Variants in MYO1E observed in about 807,000 individuals in gnomAD.
The protein encoded by MYO1E is unconventional myosin-Ie.
MYO1E carries 68 observed loss-of-function variants against 151.1 expected under a neutral mutation model. That is an observed-to-expected ratio of 0.45 (90% CI 0.37 to 0.55). The LOEUF is 0.55. Among genes scored for constraint, MYO1E ranks in the 20% least tolerant of loss-of-function variants. MYO1E has a pLI of 0.00. For synonymous variants in MYO1E, 601 were observed against 501.7 expected (o/e 1.20, Z -2.64); for missense variants, 1,363 against 1,389.3 (o/e 0.98, Z 0.30).
At chr15:59,190,218 AAAGT>A (rs746199678) in intron 17 of MYO1E, among the ~76,000 whole-genome samples, 11 of 152,316 alleles carry the variant, frequency 7.2e-5, no homozygotes, top group Admixed American at 2.0e-4. Flanking sequence ...TTAGACATAA[AAAGT>A]AAGGTCTCTC....
chr15:59,181,748 T>C (rs1347752188), intron 18 of MYO1E, among the ~76,000 whole-genome samples: 1 of 152,224 alleles, frequency 6.6e-6, no homozygotes, highest in East Asian at 1.9e-4. Context: ...TTTAGGCCTG[T>C]GAACTTCCTA....
intron 1 of MYO1E, among the ~76,000 whole-genome samples, chr15:59,323,910 A>G (rs1311040888): frequency 2.6e-5 from 4 of 152,088 alleles, no homozygotes; most frequent in African/African-American, 4.8e-5. Context: ...CTGAGTTTGA[A>G]GCAGCAAAGA....
chr15:59,316,712 G>A (rs2080591336), intron 1 of MYO1E, among the ~76,000 whole-genome samples: 1 of 152,084 alleles, frequency 6.6e-6, no homozygotes, highest in Admixed American at 6.6e-5. Context: ...CAATCCTCTT[G>A]CTTTCCATAG....
At chr15:59,366,167 C>T (rs759759525) in intron 1 of MYO1E, among the ~76,000 whole-genome samples, 8 of 151,930 alleles carry the variant, frequency 5.3e-5, no homozygotes, top group South Asian at 2.1e-4. Context: ...TTAGTAGAGA[C>T]GGGGTTTCAC....
intron 1 of MYO1E, among the ~76,000 whole-genome samples, chr15:59,275,062 T>C (rs1017204529): frequency 1.3e-5 from 2 of 152,206 alleles, no homozygotes; most frequent in Non-Finnish European, 2.9e-5. Context: ...CCATGCCATA[T>C]AGGAGGAAAC....
intron 3 of MYO1E, 24 bp downstream of exon 3, chr15:59,261,396 T>C (rs779118949): frequency 1.3e-6 from 2 of 1,530,548 alleles, no homozygotes; most frequent in African/African-American, 2.7e-5. Context: ...AATAAGGCAG[T>C]AATTTATGTG....
intron 1 of MYO1E, among the ~76,000 whole-genome samples, chr15:59,276,430 C>T (rs112944253): frequency 0.019 from 2,863 of 152,206 alleles, 75 homozygotes; most frequent in African/African-American, 0.062. Flanking sequence ...AGGGCAGTGG[C>T]GGGCGTGCCA....
intron 1 of MYO1E, among the ~76,000 whole-genome samples, chr15:59,291,271 G>A (rs1401438228): frequency 1.3e-5 from 2 of 152,204 alleles, no homozygotes; most frequent in African/African-American, 4.8e-5. Context: ...TTGCTGGTCT[G>A]TGACCCCTTC....
At chr15:59,151,511 C>G (rs1346209749) in intron 26 of MYO1E, among the ~76,000 whole-genome samples, 1 of 152,156 alleles carries the variant, frequency 6.6e-6, no homozygotes, top group Admixed American at 6.5e-5. Flanking sequence ...TAAGACTTGC[C>G]AGGGCAAAAG....
At chr15:59,302,223 T>A (rs2080487213) in intron 1 of MYO1E, among the ~76,000 whole-genome samples, 1 of 152,128 alleles carries the variant, frequency 6.6e-6, no homozygotes, top group African/African-American at 2.4e-5. Context: ...AGTTTGTGAC[T>A]CAAGTAAGAT....
chr15:59,329,371 G>A (rs2080685293), intron 1 of MYO1E, among the ~76,000 whole-genome samples: 1 of 152,156 alleles, frequency 6.6e-6, no homozygotes, highest in Non-Finnish European at 1.5e-5. Context: ...AAGTGGTGTC[G>A]AGCTGGGGCC....
chr15:59,285,972 T>C (rs561212586), intron 1 of MYO1E, among the ~76,000 whole-genome samples: 22 of 152,354 alleles, frequency 1.4e-4, no homozygotes, highest in African/African-American at 5.1e-4. Context: ...CTTTTTCTAA[T>C]TCAATTACAC....
At chr15:59,155,050 T>C (rs2079502029) in intron 25 of MYO1E, among the ~76,000 whole-genome samples, 1 of 151,974 alleles carries the variant, frequency 6.6e-6, no homozygotes, top group African/African-American at 2.4e-5. Flanking sequence ...TCCCACAGGG[T>C]CTGGGGATGG....
At chr15:59,181,922 A>C (rs143296632) in intron 18 of MYO1E, among the ~76,000 whole-genome samples, 53 of 152,344 alleles carry the variant, frequency 3.5e-4, no homozygotes, top group African/African-American at 1.1e-3. Context: ...CTTTAGAGAA[A>C]ATAAAGTTAT....
At chr15:59,161,340 A>G in intron 23 of MYO1E, 110 bp from the exon 24 acceptor site, 1 of 1,233,186 alleles carries the variant, frequency 8.1e-7, no homozygotes, top group Non-Finnish European at 1.1e-6. Context: ...ATGAGGCGAG[A>G]ACGGACAATC....
chr15:59,154,468 C>A (rs1328094685), intron 25 of MYO1E, among the ~76,000 whole-genome samples: 1 of 152,236 alleles, frequency 6.6e-6, no homozygotes, highest in East Asian at 1.9e-4. Flanking sequence ...TGCGTCTTGG[C>A]AGACTCGGGC....
At chr15:59,207,509 A>C in intron 14 of MYO1E, 2 of 1,614,000 alleles carry the variant, frequency 1.2e-6, no homozygotes, top group East Asian at 2.2e-5. Context: ...AATCCAGTGG[A>C]TATCTTAACT....
intron 12 of MYO1E, among the ~76,000 whole-genome samples, chr15:59,210,892 A>G (rs183174298): frequency 6.6e-6 from 1 of 152,226 alleles, no homozygotes; most frequent in African/African-American, 2.4e-5. Flanking sequence ...TTACAAAAAA[A>G]TCACAAAACT....
chr15:59,372,057 C>A (rs2140448387), intron 1 of MYO1E, among the ~76,000 whole-genome samples: 1 of 150,482 alleles, frequency 6.6e-6, no homozygotes, highest in Admixed American at 6.6e-5. Flanking sequence ...CGCGAGGGTG[C>A]CCGGGGCGGG....
Sources: allele counts gnomAD v4.1 joint callset (sites outside exome capture counted in the v4.1 genomes callset), GRCh38; gene constraint gnomAD v4.1.1; transcripts MANE v1.5; gene names NCBI Gene and HGNC (gene_info 2026-07-23, HGNC 2026-07-21).